The following CNOT7 variants were observed in gnomAD, a reference collection of about 807,000 sequenced individuals.
CNOT7 encodes the protein BTG1-binding factor 1.
A neutral mutation model predicts 37.1 loss-of-function variants in CNOT7; 4 were observed. The ratio of observed to expected loss-of-function variants is 0.11; its 90% CI spans 0.05 to 0.25. CNOT7 has a LOEUF of 0.25. Ranked by LOEUF, CNOT7 falls within the 10% of genes least tolerant of loss-of-function variation. The probability of loss-of-function intolerance (pLI) is 1.00; values close to 1 mark genes in which losing one functional copy is unlikely to be tolerated. For synonymous variants in CNOT7, 128 were observed against 115.6 expected, an observed-to-expected ratio of 1.11 and a Z score of -0.69; for missense variants, 170 against 336.2, an observed-to-expected ratio of 0.51 and a Z score of 3.87.
chr8:17,226,001 G>A lies in CNOT7; in HGVS notation c.*4719C>T, dbSNP rs1488134668. ...AAACAGGACAGACATAGACCCTTGA[G>A]TTTCTTCTAGTAGAGAGGTGGACAA... On this transcript the variant is annotated 3_prime_UTR_variant, in exon 7 of 7. Transcript: ENST00000361272. The A allele has an allele frequency of 8.8e-6, 1 of 114,122 alleles. No homozygotes were observed. Among genetic ancestry groups the A allele is most frequent in the African/African-American group, 3.1e-5 (1 of 31,880 alleles). 7.1% of individuals were successfully genotyped at this position (114,122 alleles called of 1,614,324 possible). A position where few individuals can be genotyped will look rare whatever the true frequency, so the allele number is the denominator to read the frequency against.
At position 17,226,390 on chromosome 8, in the gene CNOT7, C is replaced by T. The variant is rs1808165952; in HGVS notation, c.*4330G>A. 1 of 151,380 alleles carries T rather than the reference C, an allele frequency of 6.6e-6. No individual in the cohort carries two copies. The highest frequency in any genetic ancestry group is 2.4e-5 in the African/African-American group (1 of 41,364). 9.4% of individuals were successfully genotyped at this position (151,380 alleles called of 1,614,324 possible). A position where few individuals can be genotyped will look rare whatever the true frequency, so the allele number is the denominator to read the frequency against. ...CTTTGAAAATGTCTTTTCACACAAA[C>T]AGGTCAAGGTACTGCTAAATACTGA... On this transcript the variant is annotated 3_prime_UTR_variant, in exon 7 of 7. Coordinates refer to ENST00000361272, the MANE Select transcript of CNOT7 (RefSeq NM_013354.7).
chr8:17,236,521 T>C (rs1449787327), intron 4 of CNOT7, among the ~76,000 whole-genome samples: 7 of 152,188 alleles, frequency 4.6e-5, no homozygotes, highest in East Asian at 1.9e-4. Flanking sequence ...CCACCACTTA[T>C]TGAGAATTTA....
intron 3 of CNOT7, among the ~76,000 whole-genome samples, chr8:17,239,670 T>C (rs140613202): frequency 0.015 from 2,239 of 152,154 alleles, 28 homozygotes; most frequent in Middle Eastern, 0.024. Flanking sequence ...TTTTTTTGTA[T>C]TTTTAGTAGA....
chr8:17,240,490 TAGTAAACTTTAGC>T (rs1810016066), intron 3 of CNOT7, among the ~76,000 whole-genome samples: 1 of 152,146 alleles, frequency 6.6e-6, no homozygotes, highest in Non-Finnish European at 1.5e-5. Context: ...CAAAACTTGG[TAGTAAACTTTAGC>T]AGTCATTTTT....
In CNOT7 at chr8:17,240,774, T is replaced by C. The variant is rs146870493; in HGVS notation, c.311+2218A>G. ...AAGGTTTATCATTTGAGAAAAAGGA[T>C]AGGAGGCAATTTTCAGTGTTTCACA... is the stretch of plus-strand genomic sequence containing the variant. On this transcript the variant is annotated intron_variant, in intron 3 of 6. Transcript: ENST00000361272. Among the ~76,000 whole-genome samples, 49 of 152,290 alleles carry C rather than the reference T, an allele frequency of 3.2e-4. 1 individual carries two copies. Among genetic ancestry groups the C allele is most frequent in the African/African-American group, 1.1e-3 (46 of 41,554 alleles).
chr8:17,239,876 C>T (rs1213873540), intron 3 of CNOT7, among the ~76,000 whole-genome samples: 1 of 152,234 alleles, frequency 6.6e-6, no homozygotes, highest in African/African-American at 2.4e-5. Flanking sequence ...TTCTTCACAG[C>T]TCATCAGTAC....
In CNOT7 at chr8:17,224,978, A is replaced by C. The variant is rs1808068611; in HGVS notation, c.*5742T>G. 1 of 151,782 alleles carries C rather than the reference A, an allele frequency of 6.6e-6. No homozygotes were observed. Among genetic ancestry groups the C allele is most frequent in the Non-Finnish European group, 1.5e-5 (1 of 67,712 alleles). 9.4% of individuals were successfully genotyped at this position (151,782 alleles called of 1,614,324 possible). On this transcript the variant is annotated 3_prime_UTR_variant, in exon 7 of 7. Coordinates refer to ENST00000361272, the MANE Select transcript of CNOT7 (RefSeq NM_013354.7). ...GTATACACACATATAGCTCAAGAAC[A>C]AGTTTTTATTATGCATGGGTTTCGC...
At chr8:17,232,698 ATGTATT>A (rs1808791418) in intron 5 of CNOT7, among the ~76,000 whole-genome samples, 161 bp from the exon 6 acceptor site, 1 of 152,230 alleles carries the variant, frequency 6.6e-6, no homozygotes, top group Non-Finnish European at 1.5e-5. Context: ...TGAATTACTA[ATGTATT>A]TGTTGAATGC....
intron 5 of CNOT7, among the ~76,000 whole-genome samples, chr8:17,232,857 C>T (rs1808812383): frequency 6.6e-6 from 1 of 152,138 alleles, no homozygotes; most frequent in Admixed American, 6.6e-5. Context: ...ATCAAGTACA[C>T]TCATAGTCTA....
chr8:17,241,693 G>A (rs908214422), intron 3 of CNOT7: 3 of 152,098 alleles, frequency 2.0e-5, no homozygotes, highest in Non-Finnish European at 4.4e-5. Flanking sequence ...CTCACTCAAC[G>A]TTATCAATAA....
At chr8:17,240,354 T>TC (rs1435307765) in intron 3 of CNOT7, among the ~76,000 whole-genome samples, 2 of 147,198 alleles carry the variant, frequency 1.4e-5, no homozygotes, top group African/African-American at 4.9e-5. Context: ...ATTTTGAGAT[T>TC]TTTTTTTTTT....
chr8:17,232,581 A>C, intron 5 of CNOT7, 44 bp from the exon 6 acceptor site: 3 of 1,564,424 alleles, frequency 1.9e-6, no homozygotes, highest in Non-Finnish European at 2.6e-6. Flanking sequence ...AAAATCTTAC[A>C]AGGCCTAAAT....
chr8:17,231,972 A>G, intron 6 of CNOT7: 1 of 990,252 alleles, frequency 1.0e-6, no homozygotes, highest in Non-Finnish European at 1.2e-6. Context: ...GAAGAATGAC[A>G]TGAGCAAATA....
chr8:17,245,275 AC>A, intron 1 of CNOT7, 28 bp from the exon 2 acceptor site: 1 of 977,452 alleles, frequency 1.0e-6, no homozygotes, highest in Non-Finnish European at 1.4e-6. Flanking sequence ...CAATATGAAG[AC>A]CAGATATATC....
intron 5 of CNOT7, among the ~76,000 whole-genome samples, chr8:17,233,886 C>A (rs1341026252): frequency 6.6e-6 from 1 of 152,176 alleles, no homozygotes; most frequent in Non-Finnish European, 1.5e-5. Flanking sequence ...AACCCCGACT[C>A]TACTAAAAAT....
rs930609461 is a variant in CNOT7 at position 17,227,448 on chromosome 8, T to G, written c.*3272A>C. 1.3e-5 allele frequency: 2 copies of G among 151,866 alleles called. No individual in the cohort carries two copies. Among genetic ancestry groups the G allele is most frequent in the Non-Finnish European group, 2.9e-5 (2 of 67,806 alleles). The allele number at this position is 151,866 out of a possible 1,614,324, so 9.4% of individuals were successfully genotyped here. ...AAAATCCTCATTCTTCAAACTACTG[T>G]TCTCATCAAAGGGCTGATGTCTTAA... On this transcript the variant is annotated 3_prime_UTR_variant, in exon 7 of 7. Transcript: ENST00000361272.
chr8:17,237,685 C>G (rs902372393), intron 3 of CNOT7: 9 of 220,688 alleles, frequency 4.1e-5, no homozygotes, highest in African/African-American at 1.8e-4. Context: ...CTCCTATTCA[C>G]CAGGGGCTAC....
In CNOT7 at chr8:17,227,327, C is replaced by G. The variant is rs1033392838; in HGVS notation, c.*3393G>C. On this transcript the variant is annotated 3_prime_UTR_variant, in exon 7 of 7. Coordinates refer to ENST00000361272, the MANE Select transcript of CNOT7 (RefSeq NM_013354.7). ...TGTAGTTCCATACAAATTCTTCGAT[C>G]ACTTCAAATCCAGCAATGGTTTCTC... is the stretch of plus-strand genomic sequence containing the variant. 2 of 151,810 alleles carry G rather than the reference C, an allele frequency of 1.3e-5. No homozygotes were observed. The highest frequency in any genetic ancestry group is 4.8e-5 in the African/African-American group (2 of 41,402). 9.4% of individuals were successfully genotyped at this position (151,810 alleles called of 1,614,324 possible).
At chr8:17,235,410 C>A (rs1042899774) in intron 4 of CNOT7, among the ~76,000 whole-genome samples, 1 of 152,178 alleles carries the variant, frequency 6.6e-6, no homozygotes, top group Non-Finnish European at 1.5e-5. Context: ...TAAGTAGTCT[C>A]TCCCTTTTCT....
Sources: allele counts gnomAD v4.1 joint callset (sites outside exome capture counted in the v4.1 genomes callset), GRCh38; gene constraint gnomAD v4.1.1; transcripts MANE v1.5; gene names NCBI Gene and HGNC (gene_info 2026-07-23, HGNC 2026-07-21).